The following PTK2 variants were observed in gnomAD, a reference collection of about 807,000 sequenced individuals.
PTK2 encodes focal adhesion kinase 1.
A neutral mutation model predicts 150.1 loss-of-function variants in PTK2; 45 were observed. The ratio of observed to expected loss-of-function variants is 0.30; its 90% CI spans 0.24 to 0.38. The LOEUF is 0.38. Ranked by LOEUF, PTK2 falls within the 10% of genes least tolerant of loss-of-function variation. PTK2 has a pLI of 1.00. For synonymous variants in PTK2, 432 were observed against 449.2 expected, an observed-to-expected ratio of 0.96 and a Z score of 0.48; for missense variants, 919 against 1,307.3, an observed-to-expected ratio of 0.70 and a Z score of 4.58.
chr8:140,958,054 C>G (rs1177409613), intron 1 of PTK2, among the ~76,000 whole-genome samples: 1 of 152,214 alleles, frequency 6.6e-6, no homozygotes, highest in Non-Finnish European at 1.5e-5. Flanking sequence ...TTTTTCTTGA[C>G]ATGTTACATA....
chr8:140,775,941 A>C (rs1377990139), intron 14 of PTK2, among the ~76,000 whole-genome samples: 2 of 152,220 alleles, frequency 1.3e-5, no homozygotes, highest in African/African-American at 4.8e-5. Context: ...CTAAACCACT[A>C]AAATATTATC....
At chr8:140,798,619 AAGGCTCATTTAAT>A (rs2100093111) in intron 12 of PTK2, among the ~76,000 whole-genome samples, 1 of 152,204 alleles carries the variant, frequency 6.6e-6, no homozygotes, top group African/African-American at 2.4e-5. Flanking sequence ...TTAAACATGG[AAGGCTCATTTAAT>A]GCCTGACATC....
Position 140,993,674 on chromosome 8 carries a change from T to G in PTK2, c.-122+7451A>C, listed in dbSNP as rs369322611. 2.4e-4 allele frequency among the ~76,000 whole-genome samples: 36 copies of G among 152,274 alleles called. 2 individuals carry two copies. Among genetic ancestry groups the G allele is most frequent in the African/African-American group, 8.4e-4 (35 of 41,550 alleles). On this transcript the variant is annotated intron_variant, in intron 1 of 31. Transcript: ENST00000522684. ...AATCCAAACCCAAAATGCAGGAATT[T>G]TAATAAGAATATGAGGGCAAAAAAG...
intron 12 of PTK2, among the ~76,000 whole-genome samples, chr8:140,798,274 C>T (rs1445482256): frequency 6.6e-6 from 1 of 151,984 alleles, no homozygotes; most frequent in Non-Finnish European, 1.5e-5. Flanking sequence ...GACTATAATC[C>T]ACTAAAGATG....
At chr8:140,938,218 A>AAT (rs2100174384) in intron 1 of PTK2, among the ~76,000 whole-genome samples, 1 of 152,122 alleles carries the variant, frequency 6.6e-6, no homozygotes, top group East Asian at 1.9e-4. Flanking sequence ...GTCCTGACCA[A>AAT]ATACCAGAGT....
chr8:140,994,849 C>A (rs2100197009), intron 1 of PTK2, among the ~76,000 whole-genome samples: 1 of 152,110 alleles, frequency 6.6e-6, no homozygotes, highest in African/African-American at 2.4e-5. Context: ...CTATAATGGG[C>A]CGAAGTGGGA....
At chr8:140,800,420 T>G (rs1378893244) in intron 12 of PTK2, 39 bp downstream of exon 12, 2 of 1,513,600 alleles carry the variant, frequency 1.3e-6, no homozygotes, top group Admixed American at 3.3e-5. Context: ...AAATATTTGG[T>G]AGAAGCGCAA....
intron 17 of PTK2, among the ~76,000 whole-genome samples, chr8:140,749,970 A>T (rs1225587224): frequency 6.6e-6 from 1 of 152,238 alleles, no homozygotes; most frequent in African/African-American, 2.4e-5. Flanking sequence ...AATTTTTAAA[A>T]TTTTCATTTT....
chr8:140,968,349 G>A (rs1246873225), intron 1 of PTK2, among the ~76,000 whole-genome samples: 1 of 151,940 alleles, frequency 6.6e-6, no homozygotes, highest in Non-Finnish European at 1.5e-5. Context: ...ACACTGTTAG[G>A]AACTGTACTT....
At chr8:140,886,426 G>T (rs2100152328) in intron 3 of PTK2, among the ~76,000 whole-genome samples, 1 of 152,160 alleles carries the variant, frequency 6.6e-6, no homozygotes, top group Admixed American at 6.6e-5. Context: ...TGCAAATCTA[G>T]AATGTAACCA....
At chr8:140,851,265 T>TA (rs2154604708) in intron 5 of PTK2, among the ~76,000 whole-genome samples, 1 of 152,338 alleles carries the variant, frequency 6.6e-6, no homozygotes, top group South Asian at 2.1e-4. Context: ...AATGAACAAT[T>TA]ACGCTACCTT....
intron 18 of PTK2, among the ~76,000 whole-genome samples, chr8:140,746,269 T>C (rs533149146): frequency 6.6e-6 from 1 of 152,114 alleles, no homozygotes; most frequent in Non-Finnish European, 1.5e-5. Context: ...AGGTCGAGGC[T>C]GCAGTGAGCT....
intron 1 of PTK2, among the ~76,000 whole-genome samples, chr8:140,974,726 GATA>G (rs2100188646): frequency 6.6e-6 from 1 of 152,164 alleles, no homozygotes; most frequent in African/African-American, 2.4e-5. Context: ...ACTCCTTTCT[GATA>G]ATGTGATGAA....
intron 3 of PTK2, among the ~76,000 whole-genome samples, chr8:140,887,462 C>T (rs1290896120): frequency 6.6e-6 from 1 of 152,176 alleles, no homozygotes; most frequent in African/African-American, 2.4e-5. Context: ...AATTAGCACA[C>T]ATAATTGTAA....
chr8:140,848,192 A>G (rs762144238), intron 5 of PTK2, among the ~76,000 whole-genome samples: 33 of 152,246 alleles, frequency 2.2e-4, no homozygotes, highest in Admixed American at 7.9e-4. Flanking sequence ...TAAGCCTGCC[A>G]TATCTCTTTG....
Position 140,683,618 on chromosome 8 carries a change from C to T in PTK2, c.2562+3014G>A, listed in dbSNP as rs75601431. Reference sequence around the variant, plus strand: ...ATTCCTCAACATAATACTGGCAAAACGAATCCAGCAGCAGCACAACAAAAA... The same window carrying T: ...ATTCCTCAACATAATACTGGCAAAATGAATCCAGCAGCAGCACAACAAAAA... On this transcript the variant is annotated intron_variant, in intron 27 of 31. Coordinates refer to ENST00000522684, the Ensembl canonical transcript of PTK2. Among the ~76,000 whole-genome samples the T allele has an allele frequency of 1.4e-3, 207 of 152,094 alleles. 1 individual carries two copies. In the East Asian group the frequency reaches 0.035, roughly 26 times the overall value.
intron 12 of PTK2, among the ~76,000 whole-genome samples, chr8:140,799,680 A>G (rs2100093803): frequency 1.3e-5 from 2 of 152,212 alleles, no homozygotes; most frequent in South Asian, 2.1e-4. Context: ...GCATAGTTCC[A>G]AGCCTATAAA....
At chr8:140,806,991 A>G (rs2100098498) in intron 10 of PTK2, among the ~76,000 whole-genome samples, 1 of 152,208 alleles carries the variant, frequency 6.6e-6, no homozygotes, top group Non-Finnish European at 1.5e-5. Context: ...TCTTCTTTAT[A>G]TTCTATTTTA....
At chr8:140,761,183 T>C in exon 16 of PTK2, 1 of 1,610,228 alleles carries the variant, frequency 6.2e-7, no homozygotes, top group Non-Finnish European at 8.5e-7. Context: ...TATAAATGCC[T>C]TGATGTACAT....
Sources: allele counts gnomAD v4.1 joint callset (sites outside exome capture counted in the v4.1 genomes callset), GRCh38; gene constraint gnomAD v4.1.1; transcripts MANE v1.5; gene names NCBI Gene and HGNC (gene_info 2026-07-23, HGNC 2026-07-21).